Variants in MYRIP observed in about 807,000 individuals in gnomAD.
MYRIP encodes myosin VIIA and Rab interacting protein, also known as rab effector MyRIP.
MYRIP carries 49 observed loss-of-function variants against 98.0 expected under a neutral mutation model. The observed-to-expected ratio is 0.50, with a 90% CI of 0.40 to 0.63. MYRIP has a LOEUF of 0.63. Ranked by LOEUF, MYRIP falls within the 30% of genes least tolerant of loss-of-function variation. The pLI is 0.00. For synonymous variants in MYRIP, 404 were observed against 409.5 expected (o/e 0.99, Z 0.16); for missense variants, 1,004 against 1,058.2 (o/e 0.95, Z 0.71).
At chr3:40,008,028 A>T (rs1042409732) in intron 2 of MYRIP, among the ~76,000 whole-genome samples, 1 of 152,214 alleles carries the variant, frequency 6.6e-6, no homozygotes, top group Non-Finnish European at 1.5e-5. Context: ...ATTAACCATC[A>T]CACAGATTAT....
chr3:40,028,597 G>A (rs1293127673), intron 2 of MYRIP, among the ~76,000 whole-genome samples: 1 of 152,112 alleles, frequency 6.6e-6, no homozygotes, highest in East Asian at 1.9e-4. Flanking sequence ...GAAAAACAGA[G>A]GCCCCAAAAG....
chr3:40,133,031 G>C (rs1349005531), intron 3 of MYRIP, among the ~76,000 whole-genome samples: 1 of 152,254 alleles, frequency 6.6e-6, no homozygotes, highest in Non-Finnish European at 1.5e-5. Context: ...CATGTGGTCA[G>C]AGATCTCTGT....
rs77013131 is a variant in MYRIP at position 39,970,127 on chromosome 3, C to T, written c.110+69201C>T. On this transcript the variant is annotated intron_variant, in intron 2 of 16. Coordinates refer to ENST00000302541, the MANE Select transcript of MYRIP (RefSeq NM_015460.4). Reference sequence around the variant, plus strand: ...TCGTTACTCTTAACAATAGATGGAGCTTCACACAGTGGCAATTGTTGTAGC... The same window carrying T: ...TCGTTACTCTTAACAATAGATGGAGTTTCACACAGTGGCAATTGTTGTAGC... 4.6e-5 allele frequency: 7 copies of T among 152,042 alleles called. No homozygotes were observed. In the East Asian group the frequency reaches 1.2e-3, roughly 25 times the overall value. The allele number at this position is 152,042 out of a possible 1,614,324, so 9.4% of individuals were successfully genotyped here. A position where few individuals can be genotyped will look rare whatever the true frequency, so the allele number is the denominator to read the frequency against.
intron 2 of MYRIP, among the ~76,000 whole-genome samples, chr3:39,983,886 GTTA>G (rs952492939): frequency 6.6e-6 from 1 of 152,140 alleles, no homozygotes; most frequent in Non-Finnish European, 1.5e-5. Flanking sequence ...AATACCCCCT[GTTA>G]TTATTAACTA....
chr3:40,212,262 G>T (rs1192699319), intron 11 of MYRIP, among the ~76,000 whole-genome samples: 1 of 100,862 alleles, frequency 9.9e-6, no homozygotes, highest in African/African-American at 3.3e-5. Flanking sequence ...ATATATACAC[G>T]TATATATATA....
intron 1 of MYRIP, among the ~76,000 whole-genome samples, chr3:39,885,316 A>G (rs947856202): frequency 1.3e-5 from 2 of 151,994 alleles, no homozygotes; most frequent in South Asian, 2.1e-4. Context: ...CAATTTTTGA[A>G]TATTGGCCCC....
At chr3:40,255,792 G>T (rs563334854) in intron 16 of MYRIP, among the ~76,000 whole-genome samples, 2 of 152,178 alleles carry the variant, frequency 1.3e-5, no homozygotes, top group African/African-American at 4.8e-5. Context: ...ATACAAATTA[G>T]AGAATAGTGT....
intron 2 of MYRIP, among the ~76,000 whole-genome samples, chr3:39,998,706 G>T (rs1160491239): frequency 2.0e-5 from 3 of 152,158 alleles, no homozygotes; most frequent in Non-Finnish European, 4.4e-5. Flanking sequence ...CCAAAAAAGA[G>T]CCCGCATTGC....
At chr3:39,830,717 A>G (rs1941416876) in intron 1 of MYRIP, among the ~76,000 whole-genome samples, 2 of 151,894 alleles carry the variant, frequency 1.3e-5, no homozygotes, top group Admixed American at 1.3e-4. Flanking sequence ...TCTCTACCAC[A>G]TGTTTCTCAT....
intron 16 of MYRIP, among the ~76,000 whole-genome samples, chr3:40,252,686 G>A (rs1323409030): frequency 6.6e-6 from 1 of 152,194 alleles, no homozygotes; most frequent in Non-Finnish European, 1.5e-5. Context: ...TCACCTATGT[G>A]GCAAAATAGT....
chr3:39,888,898 C>T (rs1327502716), intron 1 of MYRIP, among the ~76,000 whole-genome samples: 5 of 152,092 alleles, frequency 3.3e-5, no homozygotes, highest in African/African-American at 7.2e-5. Flanking sequence ...CAAAAGAAGA[C>T]ATTTATGCAG....
intron 9 of MYRIP, 98 bp from the exon 10 acceptor site, chr3:40,189,728 C>T (rs1951147003): frequency 7.6e-7 from 1 of 1,315,412 alleles, no homozygotes; most frequent in Non-Finnish European, 1.0e-6. Flanking sequence ...CTCCAACAGC[C>T]CCACAAGCCA....
chr3:39,920,349 C>T (rs931567289), intron 2 of MYRIP, among the ~76,000 whole-genome samples: 3 of 152,094 alleles, frequency 2.0e-5, no homozygotes, highest in Admixed American at 2.0e-4. Flanking sequence ...TTATTCTCTA[C>T]AAGCAGAAAG....
intron 2 of MYRIP, among the ~76,000 whole-genome samples, chr3:39,913,529 C>T (rs1944076947): frequency 1.3e-5 from 2 of 152,098 alleles, no homozygotes; most frequent in African/African-American, 4.8e-5. Flanking sequence ...AAACTTCTGC[C>T]TAAAAACTCA....
At chr3:40,028,631 A>G (rs566456848) in intron 2 of MYRIP, among the ~76,000 whole-genome samples, 1 of 152,216 alleles carries the variant, frequency 6.6e-6, no homozygotes, top group Non-Finnish European at 1.5e-5. Flanking sequence ...TTGGTAAGTG[A>G]TGAGCCCAGC....
At chr3:40,114,089 T>C (rs1366786730) in intron 3 of MYRIP, among the ~76,000 whole-genome samples, 2 of 152,186 alleles carry the variant, frequency 1.3e-5, no homozygotes, top group African/African-American at 2.4e-5. Flanking sequence ...TTTGACACCA[T>C]AAAACATAAT....
At chr3:40,199,143 C>G (rs1346762907) in intron 10 of MYRIP, among the ~76,000 whole-genome samples, 1 of 152,138 alleles carries the variant, frequency 6.6e-6, no homozygotes, top group Non-Finnish European at 1.5e-5. Flanking sequence ...AAATCCATTC[C>G]TTAAAGGATG....
chr3:40,140,613 C>T (rs1949871191), intron 3 of MYRIP, among the ~76,000 whole-genome samples: 1 of 152,168 alleles, frequency 6.6e-6, no homozygotes, highest in Non-Finnish European at 1.5e-5. Context: ...TCTGCATCCT[C>T]ATCAGCATTT....
intron 2 of MYRIP, among the ~76,000 whole-genome samples, chr3:39,974,158 A>G (rs999721746): frequency 2.9e-5 from 4 of 138,818 alleles, no homozygotes; most frequent in Non-Finnish European, 6.7e-5. Context: ...TGCTAGCAAG[A>G]CTAATAAAGA....
Sources: allele counts gnomAD v4.1 joint callset (sites outside exome capture counted in the v4.1 genomes callset), GRCh38; gene constraint gnomAD v4.1.1; transcripts MANE v1.5; gene names NCBI Gene and HGNC (gene_info 2026-07-23, HGNC 2026-07-21).